The following COL11A2 variants were observed in gnomAD, a reference collection of about 807,000 sequenced individuals.
The protein encoded by COL11A2 is collagen type XI alpha 2 chain, also known as collagen alpha-2(XI) chain.
COL11A2 carries 116 observed loss-of-function variants against 273.4 expected under a neutral mutation model. The observed-to-expected ratio is 0.42, with a 90% CI of 0.36 to 0.49. The LOEUF (loss-of-function observed/expected upper bound fraction) is 0.49. Ranked by LOEUF, COL11A2 falls within the 20% of genes least tolerant of loss-of-function variation. The probability of loss-of-function intolerance (pLI) is 0.00; values close to 1 mark genes in which losing one functional copy is unlikely to be tolerated. For missense variants in COL11A2, 1,866 were observed against 2,309.0 expected (o/e 0.81, Z 3.93); for synonymous variants, 782 against 864.2 (o/e 0.90, Z 1.67).
rs773599162 is a variant in COL11A2, at chr6:33,178,378, T to G, written c.1774-26A>C. 1 of 1,612,810 alleles carries G rather than the reference T, an allele frequency of 6.2e-7. No individual in the cohort carries two copies. The highest frequency in any genetic ancestry group is 1.3e-5 in the African/African-American group (1 of 74,930). On this transcript the variant is annotated intron_variant, in intron 19 of 65. Transcript: ENST00000341947. The surrounding 1 kb of genome is among the most constrained non-coding windows in gnomAD (Gnocchi z 4.6). Reference sequence around the variant, plus strand: ...CTGGAGGAGGAGGACACGGTAAAGCTGCTGTGCCTTCTAGACCTCCCCTGC... The same window carrying G: ...CTGGAGGAGGAGGACACGGTAAAGCGGCTGTGCCTTCTAGACCTCCCCTGC...
At position 33,163,559 on chromosome 6, in the gene COL11A2, C is replaced by T. The variant is rs183458493; in HGVS notation, c.*119G>A. On this transcript the variant is annotated 3_prime_UTR_variant, in exon 66 of 66. Coordinates refer to ENST00000341947, the MANE Select transcript of COL11A2 (RefSeq NM_080680.3). The surrounding 1 kb of genome is among the most constrained non-coding windows in gnomAD (Gnocchi z 4.1). Reference sequence around the variant, plus strand: ...GCCTGCCCCGACTGAGGGCTCTCCACGCCCTGGCCCAGGGCTCCCTAGATA... The same window carrying T: ...GCCTGCCCCGACTGAGGGCTCTCCATGCCCTGGCCCAGGGCTCCCTAGATA... The T allele has an allele frequency of 8.8e-4, 1,336 of 1,525,812 alleles. 6 individuals are homozygous for T. In the African/African-American group the frequency reaches 0.011, roughly 12 times the overall value. 94.5% of individuals were successfully genotyped at this position (1,525,812 alleles called of 1,614,324 possible). A position where few individuals can be genotyped will look rare whatever the true frequency, so the allele number is the denominator to read the frequency against.
chr6:33,166,039 G>C lies in COL11A2; in HGVS notation c.4429-55C>G. 1 of 1,612,042 alleles carries C rather than the reference G, an allele frequency of 6.2e-7. No individual in the cohort carries two copies. On this transcript the variant is annotated intron_variant, in intron 61 of 65. Transcript: ENST00000341947. This position sits in a 1 kb window ranked among gnomAD's most constrained non-coding sequence, Gnocchi z 4.8. ...GGTCAAGAGGTCAAGCATGGATCAA[G>C]GTCACAGAAAGATCAAATCAGCCTC...
In COL11A2 at chr6:33,169,887, G is replaced by A. The variant is rs775345103; in HGVS notation, c.3637-3C>T. The A allele has an allele frequency of 6.2e-7, 1 of 1,614,098 alleles. No homozygotes were observed. Among genetic ancestry groups the A allele is most frequent in the South Asian group, 1.1e-5 (1 of 91,082 alleles). ...GATCCTGACTCTCCTGGTTCCCCCT[G>A]CAAAGAGATTAGAGTCAAAAACCTC... On this transcript the variant is annotated splice_polypyrimidine_tract_variant and splice_region_variant and intron_variant, in intron 49 of 65. Transcript: ENST00000341947. This position sits in a 1 kb window ranked among gnomAD's most constrained non-coding sequence, Gnocchi z 5.5.
rs1393893521 is a variant in COL11A2, at chr6:33,170,937, C to A, written c.3367-20G>T. 1 of 1,606,414 alleles carries A rather than the reference C, an allele frequency of 6.2e-7. No individual in the cohort carries two copies. Among genetic ancestry groups the A allele is most frequent in the African/African-American group, 1.4e-5 (1 of 72,878 alleles). ...TGCTCCCTGCAGGGTTGAGGGAAAGCAGAGACAAGGACACAGGGATGGGTC... is the reference window on the plus strand; with the variant it reads ...TGCTCCCTGCAGGGTTGAGGGAAAGAAGAGACAAGGACACAGGGATGGGTC... On this transcript the variant is annotated intron_variant, in intron 45 of 65. Coordinates refer to ENST00000341947, the MANE Select transcript of COL11A2 (RefSeq NM_080680.3). This position sits in a 1 kb window ranked among gnomAD's most constrained non-coding sequence, Gnocchi z 4.3.
rs1046145368 is a variant in COL11A2, at chr6:33,184,819, G to A, written c.939+173C>T. 1.1e-3 allele frequency among the ~76,000 whole-genome samples: 166 copies of A among 152,202 alleles called. 2 individuals are homozygous for A. Among genetic ancestry groups the A allele is most frequent in the African/African-American group, 4.0e-3 (164 of 41,450 alleles). On this transcript the variant is annotated intron_variant, in intron 7 of 65. Coordinates refer to ENST00000341947, the MANE Select transcript of COL11A2 (RefSeq NM_080680.3). ...GAAGGGAACGGGCTGGACTTAGAGA[G>A]TCAAGCAGGCCCATAGTTCTAGAGT...
intron 31 of COL11A2, 80 bp from the exon 32 acceptor site, chr6:33,174,298 G>A (rs1770592385): frequency 6.5e-7 from 1 of 1,529,624 alleles, no homozygotes; most frequent in Non-Finnish European, 8.9e-7. Flanking sequence ...GTCAGGAGAG[G>A]CCACAAAGGC....
chr6:33,163,808 C>T lies in COL11A2; in HGVS notation c.5081G>A (p.Gly1694Asp), dbSNP rs770371450. Residue 1694 changes from glycine to aspartate, a missense_variant, in exon 66 of 66, where the codon GGC becomes GAC. Gly to Asp is a moderately conservative substitution (Grantham distance 94, BLOSUM62 -1). Transcript: ENST00000341947. This position sits in a 1 kb window ranked among gnomAD's most constrained non-coding sequence, Gnocchi z 4.1. ...CGTTCGCACCTCCAGCACCGTCCGGCCTTGCTGTGTCTTCAGGGGGAGACA... is the reference window on the plus strand; with the variant it reads ...CGTTCGCACCTCCAGCACCGTCCGGTCTTGCTGTGTCTTCAGGGGGAGACA... ...EFRDGCQTQQ[G>D]RTVLEVRTPV... is the part of the protein sequence containing the mutation. 1 of 1,613,012 alleles carries T rather than the reference C, an allele frequency of 6.2e-7. No individual in the cohort carries two copies. Among genetic ancestry groups the T allele is most frequent in the East Asian group, 2.2e-5 (1 of 44,890 alleles).
In COL11A2 at chr6:33,189,682, T is replaced by G. The variant is rs1772879727; in HGVS notation, c.83-213A>C. On this transcript the variant is annotated intron_variant, in intron 1 of 65. Coordinates refer to ENST00000341947, the MANE Select transcript of COL11A2 (RefSeq NM_080680.3). The surrounding 1 kb of genome is among the most constrained non-coding windows in gnomAD (Gnocchi z 5.6). ...CAGCATCAGCTGGCATTCAACCCCA[T>G]GACACTCCTGCCCCTGTCTCTCCTA... Among the ~76,000 whole-genome samples the G allele has an allele frequency of 6.6e-6, 1 of 152,144 alleles. No individual in the cohort carries two copies. The highest frequency in any genetic ancestry group is 2.1e-4 in the South Asian group (1 of 4,808).
Position 33,167,009 on chromosome 6 carries a change from C to T in COL11A2, c.4230+61G>A. On this transcript the variant is annotated intron_variant, in intron 58 of 65. Transcript: ENST00000341947. This position sits in a 1 kb window ranked among gnomAD's most constrained non-coding sequence, Gnocchi z 6.1. ...CAGAGCAGTGGGCACTTGGGTCCCA[C>T]AGGTTTCAGGGGCGAGGGTGATGGG... 1 of 1,608,594 alleles carries T rather than the reference C, an allele frequency of 6.2e-7. No homozygotes were observed. The highest frequency in any genetic ancestry group is 8.5e-7 in the Non-Finnish European group (1 of 1,177,068).
At position 33,167,051 on chromosome 6, in the gene COL11A2, G is replaced by A. The variant is rs756881678; in HGVS notation, c.4230+19C>T. 7.3e-5 allele frequency: 117 copies of A among 1,612,934 alleles called. 5 individuals carry two copies. The South Asian group carries it at 1.1e-3, about 16-fold the overall frequency. On this transcript the variant is annotated intron_variant, in intron 58 of 65. Transcript: ENST00000341947. This position sits in a 1 kb window ranked among gnomAD's most constrained non-coding sequence, Gnocchi z 6.1. ...GGTGATGGGAGAGACACCTGGCCAC[G>A]TGTCTGTCTGTCACTCACCTTCTCT... is the stretch of plus-strand genomic sequence containing the variant.
In COL11A2 at chr6:33,189,443, C is replaced by T. The variant is rs606231410; in HGVS notation, c.109G>A (p.Ala37Thr). The change falls in exon 2 of 66, where the codon GCC becomes ACC. Residue 37 changes from alanine (A) to threonine (T), a missense_variant. Transcript: ENST00000341947. The surrounding 1 kb of genome is among the most constrained non-coding windows in gnomAD (Gnocchi z 5.6). The part of the protein sequence containing the change: ...AGAPPVDVLR[A>T]LRFPSLPDGV... ...TCAGGGAGGGAGGGGAACCTCAGGGCCCGGAGCACATCCACAGGGGGTGCA... is the reference window on the plus strand; with the variant it reads ...TCAGGGAGGGAGGGGAACCTCAGGGTCCGGAGCACATCCACAGGGGGTGCA... 1.2e-6 allele frequency: 2 copies of T among 1,613,060 alleles called. No homozygotes were observed. The highest frequency in any genetic ancestry group is 1.7e-6 in the Non-Finnish European group (2 of 1,180,018).
chr6:33,168,675 C>A, intron 53 of COL11A2, 31 bp downstream of exon 53: 1 of 1,590,264 alleles, frequency 6.3e-7, no homozygotes, highest in Non-Finnish European at 8.6e-7. Context: ...GGCTTGGGCT[C>A]AGGGGGGTGG....
intron 54 of COL11A2, 125 bp downstream of exon 54, chr6:33,168,390 GCACA>G: frequency 4.9e-6 from 5 of 1,025,722 alleles, no homozygotes; most frequent in Non-Finnish European, 7.6e-6. Context: ...ACCAGCTCCT[GCACA>G]CACACACACC....
rs1772937114 is a variant in COL11A2 at position 33,190,108 on chromosome 6, G to A, written c.83-639C>T. Among the ~76,000 whole-genome samples the A allele has an allele frequency of 6.6e-6, 1 of 152,122 alleles. No homozygotes were observed. Among genetic ancestry groups the A allele is most frequent in the Non-Finnish European group, 1.5e-5 (1 of 68,012 alleles). The stretch of plus-strand genomic sequence containing the variant: ...ACAGATCCCAGGTTTGGGGGATGGG[G>A]TGGGAACAACCCTGAGCATGCTGAG... On this transcript the variant is annotated intron_variant, in intron 1 of 65. Coordinates refer to ENST00000341947, the MANE Select transcript of COL11A2 (RefSeq NM_080680.3). The surrounding 1 kb of genome is among the most constrained non-coding windows in gnomAD (Gnocchi z 4.5).
chr6:33,169,763 G>A lies in COL11A2; in HGVS notation c.3690+68C>T. The A allele has an allele frequency of 6.3e-7, 1 of 1,595,338 alleles. No homozygotes were observed. Among genetic ancestry groups the A allele is most frequent in the Non-Finnish European group, 8.6e-7 (1 of 1,163,050 alleles). On this transcript the variant is annotated intron_variant, in intron 50 of 65. Coordinates refer to ENST00000341947, the MANE Select transcript of COL11A2 (RefSeq NM_080680.3). The surrounding 1 kb of genome is among the most constrained non-coding windows in gnomAD (Gnocchi z 5.5). ...GAGTTCCAGCTCAAGGAGGTCACAG[G>A]AAAAGTGGAGGCAGGGTTGAGGCGG...
rs903118000 is a variant in COL11A2 at position 33,189,093 on chromosome 6, G to T, written c.328C>A (p.Arg110=). Residue 110 remains arginine, a synonymous_variant, in exon 3 of 66, where the codon CGA becomes AGA. Transcript: ENST00000341947. The surrounding 1 kb of genome is among the most constrained non-coding windows in gnomAD (Gnocchi z 5.6). ...CGGCCCAGCTCCAGGCCCAGCTGTC[G>T]GACACCCTGGGCACTGTAGAGAGTC... The part of the protein sequence containing the change: ...LLTLYSAQGV[R]QLGLELGRPV... 1.2e-6 allele frequency: 2 copies of T among 1,614,126 alleles called. No individual in the cohort carries two copies. Among genetic ancestry groups the T allele is most frequent in the African/African-American group, 2.7e-5 (2 of 75,026 alleles).
chr6:33,169,310 ACACACACC>A lies in COL11A2; in HGVS notation c.3798+65_3798+72del. Reference sequence around the variant, plus strand: ...TCCCCACACTCCAAGATCCTCCCTCACACACACCCATATTCCCAGGTCTGTCATTCACA... The same window carrying A: ...TCCCCACACTCCAAGATCCTCCCTCACATATTCCCAGGTCTGTCATTCACA... On this transcript the variant is annotated intron_variant, in intron 51 of 65. Transcript: ENST00000341947. This position sits in a 1 kb window ranked among gnomAD's most constrained non-coding sequence, Gnocchi z 5.5. The A allele has an allele frequency of 7.3e-7, 1 of 1,367,516 alleles. No homozygotes were observed. Among genetic ancestry groups the A allele is most frequent in the Non-Finnish European group, 1.0e-6 (1 of 972,058 alleles). The allele number at this position is 1,367,516 out of a possible 1,614,324, so 84.7% of individuals were successfully genotyped here.
In COL11A2 at chr6:33,178,073, G is replaced by A; in HGVS notation, c.1872+59C>T. 6.6e-7 allele frequency: 1 copy of A among 1,525,128 alleles called. No individual in the cohort carries two copies. Among genetic ancestry groups the A allele is most frequent in the Non-Finnish European group, 9.0e-7 (1 of 1,112,842 alleles). The allele number at this position is 1,525,128 out of a possible 1,614,324, so 94.5% of individuals were successfully genotyped here. ...AGGGAGCAGGAAGGCAGCTAGAAAG[G>A]TGGAGAGTTGGAGAGGTCAAGGGGT... On this transcript the variant is annotated intron_variant, in intron 21 of 65. Transcript: ENST00000341947. This position sits in a 1 kb window ranked among gnomAD's most constrained non-coding sequence, Gnocchi z 4.6.
Position 33,177,150 on chromosome 6 carries a change from C to A in COL11A2, c.2016+31G>T. On this transcript the variant is annotated intron_variant, in intron 24 of 65. Transcript: ENST00000341947. This position sits in a 1 kb window ranked among gnomAD's most constrained non-coding sequence, Gnocchi z 5.9. ...TTCTCCCTACATCCCCACTCTAAACCCCCTGTCCTCCAAATCACTTAGTCA... is the reference window on the plus strand; with the variant it reads ...TTCTCCCTACATCCCCACTCTAAACACCCTGTCCTCCAAATCACTTAGTCA... The A allele has an allele frequency of 1.2e-6, 2 of 1,612,992 alleles. No homozygotes were observed. Among genetic ancestry groups the A allele is most frequent in the African/African-American group, 2.7e-5 (2 of 75,024 alleles).
Sources: gnomAD v4.1 joint callset for allele counts (sites outside exome capture counted in the v4.1 genomes callset) on GRCh38, gnomAD v4.1.1 for gene constraint, Gnocchi (gnomAD v3.1) non-coding constraint, MANE v1.5 for transcripts, NCBI Gene and HGNC (gene_info 2026-07-23, HGNC 2026-07-21) for gene names.